The following TRIM24 variants were observed in gnomAD, a reference collection of about 807,000 sequenced individuals.
TRIM24 encodes the protein tripartite motif containing 24.
A neutral mutation model predicts 123.9 loss-of-function variants in TRIM24; 29 were observed. The ratio of observed to expected loss-of-function variants is 0.23; its 90% CI spans 0.17 to 0.32. TRIM24 has a LOEUF of 0.32. Ranked by LOEUF, TRIM24 falls within the 10% of genes least tolerant of loss-of-function variation. The pLI is 1.00. For missense variants in TRIM24, 932 were observed against 1,295.3 expected, an observed-to-expected ratio of 0.72 and a Z score of 4.31; for synonymous variants, 456 against 461.1, an observed-to-expected ratio of 0.99 and a Z score of 0.14.
At position 138,508,692 on chromosome 7, in the gene TRIM24, T is replaced by TGTGTGCGCGC. The variant is rs1422176564; in HGVS notation, c.483+4285_483+4286insTGTGCGCGCG. On this transcript the variant is annotated intron_variant, in intron 2 of 18. Coordinates refer to ENST00000343526, the MANE Select transcript of TRIM24 (RefSeq NM_015905.3). ...GTGTGTGTGTGTGTGTGTGTGTGTG[T>TGTGTGCGCGC]GCGCGCGCGTGTGTGCGTGTGTGTG... Among the ~76,000 whole-genome samples, 1,333 of 137,232 alleles carry TGTGTGCGCGC rather than the reference T, an allele frequency of 9.7e-3. 21 individuals are homozygous for TGTGTGCGCGC. Among genetic ancestry groups the TGTGTGCGCGC allele is most frequent in the Middle Eastern group, 0.038 (10 of 266 alleles). The allele number at this position is 137,232 out of a possible 152,430, so 90.0% of individuals were successfully genotyped here.
At chr7:138,485,204 C>CT (rs1371061087) in intron 1 of TRIM24, among the ~76,000 whole-genome samples, 1 of 151,440 alleles carries the variant, frequency 6.6e-6, no homozygotes. Context: ...GTTTTGAGTA[C>CT]TTTTTTTTAC....
chr7:138,513,614 T>G (rs1796334360), intron 2 of TRIM24, among the ~76,000 whole-genome samples: 1 of 151,806 alleles, frequency 6.6e-6, no homozygotes, highest in African/African-American at 2.4e-5. Context: ...GAGAACTCAG[T>G]CACTATCATG....
chr7:138,485,187 T>C (rs552411767), intron 1 of TRIM24, among the ~76,000 whole-genome samples: 2 of 152,150 alleles, frequency 1.3e-5, no homozygotes, highest in African/African-American at 4.8e-5. Flanking sequence ...TACTATGCCT[T>C]GTCAATGTTT....
At chr7:138,506,089 G>GT (rs1046720798) in intron 2 of TRIM24, among the ~76,000 whole-genome samples, 1 of 152,166 alleles carries the variant, frequency 6.6e-6, no homozygotes, top group Non-Finnish European at 1.5e-5. Flanking sequence ...TGAATTTTTA[G>GT]TTTTTTGTTC....
chr7:138,463,719 A>G (rs1795064444), intron 1 of TRIM24, among the ~76,000 whole-genome samples: 1 of 152,148 alleles, frequency 6.6e-6, no homozygotes, highest in African/African-American at 2.4e-5. Flanking sequence ...ACTTCTCAAA[A>G]TGTTCTGTGT....
At position 138,577,591 on chromosome 7, in the gene TRIM24, A is replaced by G; in HGVS notation, c.2256+3A>G. 6.3e-7 allele frequency: 1 copy of G among 1,598,456 alleles called. No homozygotes were observed. Among genetic ancestry groups the G allele is most frequent in the Non-Finnish European group, 8.5e-7 (1 of 1,173,200 alleles). ...ATGAAGAATCTAGGCCTCAAAATGT[A>G]ATTATGAATGCTTGCAATGCTATTC... On this transcript the variant is annotated splice_donor_region_variant and intron_variant, in intron 14 of 18. Coordinates refer to ENST00000343526, the MANE Select transcript of TRIM24 (RefSeq NM_015905.3).
At chr7:138,513,601 C>T (rs975563391) in intron 2 of TRIM24, among the ~76,000 whole-genome samples, 11 of 152,128 alleles carry the variant, frequency 7.2e-5, no homozygotes, top group African/African-American at 2.2e-4. Flanking sequence ...AACTAGATCT[C>T]GTGAGAACTC....
At chr7:138,576,111 T>C (rs1045306267) in intron 12 of TRIM24, among the ~76,000 whole-genome samples, 6 of 152,182 alleles carry the variant, frequency 3.9e-5, no homozygotes, top group Non-Finnish European at 7.3e-5. Flanking sequence ...AGGCCAGGGA[T>C]GTTGCTAAAC....
chr7:138,571,862 CACCCAGCCAGTAT>C (rs72073216), intron 11 of TRIM24, among the ~76,000 whole-genome samples: 41,224 of 152,066 alleles, frequency 0.27, 6,291 homozygotes, highest in East Asian at 0.5. Flanking sequence ...TGAGCCACTA[CACCCAGCCAGTAT>C]GACTATTCCA....
At chr7:138,527,788 C>T (rs1420858472) in intron 5 of TRIM24, among the ~76,000 whole-genome samples, 1 of 152,050 alleles carries the variant, frequency 6.6e-6, no homozygotes, top group East Asian at 1.9e-4. Context: ...TTGCTGGAAT[C>T]AGGAGACTGG....
At chr7:138,574,818 A>G (rs1166941473) in intron 12 of TRIM24, among the ~76,000 whole-genome samples, 1 of 152,130 alleles carries the variant, frequency 6.6e-6, no homozygotes, top group Non-Finnish European at 1.5e-5. Flanking sequence ...ACCTAGTAGG[A>G]TATTTGCTTC....
At chr7:138,577,363 A>G in intron 13 of TRIM24, 57 bp from the exon 14 acceptor site, 3 of 1,346,838 alleles carry the variant, frequency 2.2e-6, no homozygotes, top group Non-Finnish European at 2.9e-6. Context: ...TATACTTTTT[A>G]TGAGGTATTT....
intron 1 of TRIM24, among the ~76,000 whole-genome samples, chr7:138,503,826 A>G (rs1026506510): frequency 6.6e-6 from 1 of 152,242 alleles, no homozygotes; most frequent in Non-Finnish European, 1.5e-5. Context: ...TCAAAGGAAT[A>G]CTATTTGCAT....
At chr7:138,461,995 G>C (rs1794990084) in intron 1 of TRIM24, among the ~76,000 whole-genome samples, 1 of 152,136 alleles carries the variant, frequency 6.6e-6, no homozygotes, top group Admixed American at 6.5e-5. Flanking sequence ...AGTTTTCCGT[G>C]GGTCTCCGTT....
chr7:138,471,781 TC>T (rs1795278323), intron 1 of TRIM24, among the ~76,000 whole-genome samples: 1 of 152,080 alleles, frequency 6.6e-6, no homozygotes, highest in African/African-American at 2.4e-5. Flanking sequence ...CCTCAGGTGA[TC>T]CGCCTGCCTC....
intron 2 of TRIM24, among the ~76,000 whole-genome samples, chr7:138,510,385 A>T (rs1284289481): frequency 2.0e-5 from 3 of 152,118 alleles, no homozygotes; most frequent in Non-Finnish European, 1.5e-5. Context: ...TATTCAATCA[A>T]ATCATGTGTG....
intron 7 of TRIM24, among the ~76,000 whole-genome samples, chr7:138,543,117 ATG>A (rs1184384490): frequency 1.3e-5 from 2 of 152,198 alleles, no homozygotes; most frequent in Non-Finnish European, 2.9e-5. Flanking sequence ...CAATTTAAAA[ATG>A]TGTTTTTCAT....
chr7:138,511,517 T>C (rs1796288376), intron 2 of TRIM24, among the ~76,000 whole-genome samples: 1 of 152,086 alleles, frequency 6.6e-6, no homozygotes, highest in African/African-American at 2.4e-5. Context: ...CTCGAACTCC[T>C]GACCTCAGGT....
intron 9 of TRIM24, among the ~76,000 whole-genome samples, chr7:138,559,573 G>A (rs1009257931): frequency 2.6e-5 from 4 of 151,996 alleles, no homozygotes; most frequent in Non-Finnish European, 5.9e-5. Context: ...GACTAGAGCC[G>A]GGCTGTTGTC....
Sources: allele counts gnomAD v4.1 joint callset (sites outside exome capture counted in the v4.1 genomes callset), GRCh38; gene constraint gnomAD v4.1.1; transcripts MANE v1.5; gene names NCBI Gene and HGNC (gene_info 2026-07-23, HGNC 2026-07-21).